The following CATSPERT variants were observed in gnomAD, a reference collection of about 807,000 sequenced individuals.
CATSPERT encodes the protein catsper channel auxiliary subunit tau, also known as cation channel sperm-associated targeting subunit tau.
chr2:201,608,072 T>C, the CATSPERT span, among the ~76,000 whole-genome samples: 2 of 152,230 alleles, frequency 1.3e-5, no homozygotes, highest in African/African-American at 4.8e-5. Flanking sequence ...TAAGCATTCC[T>C]TCTATAAGCA....
chr2:201,510,665 T>C, the CATSPERT span, among the ~76,000 whole-genome samples: 2 of 152,258 alleles, frequency 1.3e-5, no homozygotes, highest in East Asian at 1.9e-4. Context: ...GACAATTGCC[T>C]ATCCATTTCA....
At chr2:201,586,632 AT>A in the CATSPERT span, among the ~76,000 whole-genome samples, 2 of 152,036 alleles carry the variant, frequency 1.3e-5, no homozygotes, top group African/African-American at 2.4e-5. Flanking sequence ...ATAATATTCT[AT>A]TTCATCAATA....
the CATSPERT span, among the ~76,000 whole-genome samples, chr2:201,592,595 T>G: frequency 6.6e-6 from 1 of 151,432 alleles, no homozygotes; most frequent in Non-Finnish European, 1.5e-5. Flanking sequence ...AATTCGGCTG[T>G]GAATCCATCT....
the CATSPERT span, among the ~76,000 whole-genome samples, chr2:201,507,869 G>C: frequency 1.8e-3 from 279 of 152,244 alleles, no homozygotes; most frequent in Non-Finnish European, 2.5e-3. Flanking sequence ...GCAGGAGAGA[G>C]AGCAAGCAAA....
chr2:201,601,061 A>ATG, the CATSPERT span, among the ~76,000 whole-genome samples: 1 of 152,108 alleles, frequency 6.6e-6, no homozygotes, highest in Admixed American at 6.6e-5. Flanking sequence ...TTTTTTAAAA[A>ATG]GTTTTAAGAT....
At chr2:201,581,433 CATAT>C in the CATSPERT span, among the ~76,000 whole-genome samples, 8 of 77,154 alleles carry the variant, frequency 1.0e-4, no homozygotes, top group Non-Finnish European at 1.2e-4. Context: ...TACTTAATTT[CATAT>C]ATATATATAT....
chr2:201,495,685 GTTT>G, the CATSPERT span, among the ~76,000 whole-genome samples: 3 of 131,148 alleles, frequency 2.3e-5, no homozygotes, highest in African/African-American at 5.6e-5. Flanking sequence ...AATCCCCTTG[GTTT>G]TTTTTTTTTT....
At chr2:201,604,822 T>C in the CATSPERT span, 2 of 513,342 alleles carry the variant, frequency 3.9e-6, no homozygotes, top group Non-Finnish European at 3.3e-6. Flanking sequence ...GGGGTATTAA[T>C]ATGATTAAGA....
the CATSPERT span, among the ~76,000 whole-genome samples, chr2:201,563,217 TG>T: frequency 9.7e-6 from 1 of 103,276 alleles, no homozygotes. Flanking sequence ...CCTCCCGGAC[TG>T]GGCGGCTGGC....
At chr2:201,605,053 T>C in the CATSPERT span, among the ~76,000 whole-genome samples, 1 of 110,126 alleles carries the variant, frequency 9.1e-6, no homozygotes, top group Non-Finnish European at 1.9e-5. Context: ...CAAATATATA[T>C]ATACATACAC....
the CATSPERT span, chr2:201,535,884 A>G: frequency 2.0e-6 from 3 of 1,515,240 alleles, no homozygotes; most frequent in Non-Finnish European, 2.6e-6. Flanking sequence ...CTACCTTTTA[A>G]TTTTTAATCT....
chr2:201,534,279 G>T, the CATSPERT span: 3 of 473,294 alleles, frequency 6.3e-6, no homozygotes, highest in Non-Finnish European at 5.5e-6. Flanking sequence ...ATCAAGTGGA[G>T]CAGAAGAACT....
chr2:201,572,165 G>T, the CATSPERT span: 1 of 539,768 alleles, frequency 1.9e-6, no homozygotes, highest in Non-Finnish European at 3.3e-6. Context: ...AAGGAAATAA[G>T]GAATTAAGAG....
At chr2:201,571,176 T>C in the CATSPERT span, among the ~76,000 whole-genome samples, 1 of 152,280 alleles carries the variant, frequency 6.6e-6, no homozygotes, top group South Asian at 2.1e-4. Flanking sequence ...AAGGTAAACA[T>C]AAGAAAAAGT....
the CATSPERT span, among the ~76,000 whole-genome samples, chr2:201,562,597 A>T: frequency 6.8e-6 from 1 of 147,752 alleles, no homozygotes; most frequent in Admixed American, 6.8e-5. Context: ...ACAATAGTGG[A>T]GGGAAGGTCA....
chr2:201,589,298 A>C, the CATSPERT span, among the ~76,000 whole-genome samples: 712 of 152,172 alleles, frequency 4.7e-3, 6 homozygotes, highest in African/African-American at 0.016. Flanking sequence ...AAATAACCAA[A>C]GCAATCCTAA....
At chr2:201,619,168 G>C in the CATSPERT span, 26 of 1,604,718 alleles carry the variant, frequency 1.6e-5, no homozygotes, top group Non-Finnish European at 2.0e-5. Flanking sequence ...CCCAACCGAC[G>C]GCCCGCTACT....
the CATSPERT span, chr2:201,492,092 ATTTC>A: frequency 6.5e-7 from 1 of 1,527,206 alleles, no homozygotes; most frequent in Non-Finnish European, 8.7e-7. Context: ...AAGGGAAAAT[ATTTC>A]TTTTCTTTCT....
the CATSPERT span, among the ~76,000 whole-genome samples, chr2:201,599,355 C>T: frequency 1.3e-5 from 2 of 151,732 alleles, no homozygotes; most frequent in Non-Finnish European, 2.9e-5. Context: ...TTATATTATT[C>T]ATTGATTTTT....
Sources: allele counts gnomAD v4.1 joint callset (sites outside exome capture counted in the v4.1 genomes callset), GRCh38; gene constraint gnomAD v4.1.1; transcripts MANE v1.5; gene names NCBI Gene and HGNC (gene_info 2026-07-23, HGNC 2026-07-21).